FSTL4: variants seen among roughly 807,000 people sequenced by gnomAD.
FSTL4 encodes the protein follistatin like 4, also known as follistatin-related protein 4.
A neutral mutation model predicts 78.2 loss-of-function variants in FSTL4; 28 were observed. The observed-to-expected ratio is 0.36, with a 90% CI of 0.27 to 0.49. The LOEUF is 0.49. FSTL4 is among the 20% of genes least tolerant of loss of function. The pLI, the probability that FSTL4 is intolerant of heterozygous loss-of-function variation, is 0.98. For synonymous variants in FSTL4, 422 were observed against 440.5 expected, an observed-to-expected ratio of 0.96 and a Z score of 0.53; for missense variants, 922 against 1,084.9, an observed-to-expected ratio of 0.85 and a Z score of 2.11.
chr5:133,575,558 G>C (rs1278320779), intron 2 of FSTL4, among the ~76,000 whole-genome samples: 1 of 152,228 alleles, frequency 6.6e-6, no homozygotes, highest in East Asian at 1.9e-4. Context: ...AGAGGGAGAC[G>C]ATCAGATTAT....
At chr5:133,833,479 C>T in the FSTL4 span, among the ~76,000 whole-genome samples, 1 of 152,224 alleles carries the variant, frequency 6.6e-6, no homozygotes, top group East Asian at 1.9e-4. Flanking sequence ...ACATCTCCTA[C>T]ATCTATTTAG....
At chr5:133,639,117 C>T in the FSTL4 span, among the ~76,000 whole-genome samples, 1 of 152,106 alleles carries the variant, frequency 6.6e-6, no homozygotes, top group African/African-American at 2.4e-5. Flanking sequence ...TTGTAGTTCT[C>T]CTTCCCCTTG....
At chr5:133,383,871 C>T (rs1755636738) in intron 4 of FSTL4, among the ~76,000 whole-genome samples, 1 of 152,258 alleles carries the variant, frequency 6.6e-6, no homozygotes, top group Non-Finnish European at 1.5e-5. Context: ...AGCCTCTGTG[C>T]TCTGCCACTC....
intron 3 of FSTL4, among the ~76,000 whole-genome samples, chr5:133,432,584 C>T (rs1158106968): frequency 1.3e-5 from 2 of 152,182 alleles, no homozygotes; most frequent in Non-Finnish European, 2.9e-5. Flanking sequence ...TATTACTTCT[C>T]CTTTAACTTA....
rs757530628 is a variant in FSTL4, at chr5:133,603,845, G to A, written c.126+13C>T. 7.4e-6 allele frequency: 12 copies of A among 1,613,388 alleles called. No homozygotes were observed. Among genetic ancestry groups the A allele is most frequent in the South Asian group, 1.1e-5 (1 of 91,048 alleles). On this transcript the variant is annotated intron_variant, in intron 2 of 15. Coordinates refer to ENST00000265342, the MANE Select transcript of FSTL4 (RefSeq NM_015082.2). The stretch of plus-strand genomic sequence containing the variant: ...CAGTTTGAAATGTTATGTCCGCAGG[G>A]ATTTGACTATACCTCTGCCTGTGAC...
the FSTL4 span, among the ~76,000 whole-genome samples, chr5:133,722,458 T>A: frequency 6.6e-6 from 1 of 152,242 alleles, no homozygotes; most frequent in Non-Finnish European, 1.5e-5. Context: ...TTTTTAATGA[T>A]ATCTCTTTGT....
the FSTL4 span, among the ~76,000 whole-genome samples, chr5:133,761,266 A>C: frequency 1.3e-5 from 2 of 152,306 alleles, no homozygotes; most frequent in South Asian, 4.1e-4. Flanking sequence ...CGAAGACTCC[A>C]TAAAGAAGCC....
At chr5:133,417,360 T>C (rs187247224) in intron 3 of FSTL4, among the ~76,000 whole-genome samples, 2 of 150,838 alleles carry the variant, frequency 1.3e-5, no homozygotes, top group African/African-American at 4.9e-5. Flanking sequence ...AAAAAAAAAA[T>C]TAAACAGATC....
intron 4 of FSTL4, among the ~76,000 whole-genome samples, chr5:133,390,961 T>C (rs1291987911): frequency 6.6e-6 from 1 of 152,168 alleles, no homozygotes; most frequent in Non-Finnish European, 1.5e-5. Context: ...TCAATTCTTG[T>C]ACCCACTGTC....
chr5:133,535,152 T>C (rs1759326641), intron 3 of FSTL4, among the ~76,000 whole-genome samples: 1 of 152,208 alleles, frequency 6.6e-6, no homozygotes, highest in Non-Finnish European at 1.5e-5. Flanking sequence ...GACAGCTATC[T>C]ACAAGCCAGG....
the FSTL4 span, among the ~76,000 whole-genome samples, chr5:133,718,011 C>T: frequency 6.6e-6 from 1 of 152,178 alleles, no homozygotes; most frequent in Non-Finnish European, 1.5e-5. Context: ...TATCATTGTA[C>T]ATTCTCACCA....
chr5:133,827,628 C>T, the FSTL4 span, among the ~76,000 whole-genome samples: 1,855 of 152,128 alleles, frequency 0.012, 16 homozygotes, highest in Non-Finnish European at 0.018. Context: ...AGAGAGAAGA[C>T]ATCCAAGTCT....
chr5:133,595,455 C>T (rs758859569), intron 2 of FSTL4, among the ~76,000 whole-genome samples: 1 of 152,206 alleles, frequency 6.6e-6, no homozygotes, highest in South Asian at 2.1e-4. Context: ...ATCTGAACAT[C>T]CTGCTGTGTG....
chr5:133,561,669 G>A (rs1759916858), intron 3 of FSTL4, among the ~76,000 whole-genome samples: 1 of 152,128 alleles, frequency 6.6e-6, no homozygotes, highest in Non-Finnish European at 1.5e-5. Flanking sequence ...AGCTTCATAG[G>A]CCTTTCAGGC....
intron 3 of FSTL4, among the ~76,000 whole-genome samples, chr5:133,566,078 C>T (rs1412728709): frequency 2.0e-5 from 3 of 152,106 alleles, no homozygotes; most frequent in Admixed American, 1.3e-4. Flanking sequence ...CAGAGGACAT[C>T]GAGTCCGAAG....
rs1015005786 is a variant in FSTL4 at position 133,485,184 on chromosome 5, C to T, written c.160+82002G>A. 2.6e-5 allele frequency among the ~76,000 whole-genome samples: 4 copies of T among 152,182 alleles called. No individual in the cohort carries two copies. In the East Asian group the frequency reaches 5.8e-4, roughly 22 times the overall value. On this transcript the variant is annotated intron_variant, in intron 3 of 15. Coordinates refer to ENST00000265342, the MANE Select transcript of FSTL4 (RefSeq NM_015082.2). ...ACATTCTAAGAGTTTCTTTCAATGGCCACAAAGAGGACACTTCAGCAGCCG... is the reference window on the plus strand; with the variant it reads ...ACATTCTAAGAGTTTCTTTCAATGGTCACAAAGAGGACACTTCAGCAGCCG...
the FSTL4 span, among the ~76,000 whole-genome samples, chr5:133,833,504 T>C: frequency 1.3e-5 from 2 of 152,190 alleles, no homozygotes; most frequent in East Asian, 1.9e-4. Flanking sequence ...ACGGGGAAGT[T>C]TCAGAGTCAT....
chr5:133,675,896 G>A, the FSTL4 span, among the ~76,000 whole-genome samples: 1 of 152,072 alleles, frequency 6.6e-6, no homozygotes, highest in Non-Finnish European at 1.5e-5. Context: ...TTGGTCTCCG[G>A]GCCTGGCAAC....
At chr5:133,474,464 C>T (rs574374018) in intron 3 of FSTL4, among the ~76,000 whole-genome samples, 7 of 152,138 alleles carry the variant, frequency 4.6e-5, no homozygotes, top group Admixed American at 2.6e-4. Flanking sequence ...GAGAAATGCA[C>T]AGGCCAGTGG....
Sources: gnomAD v4.1 joint callset for allele counts (sites outside exome capture counted in the v4.1 genomes callset) on GRCh38, gnomAD v4.1.1 for gene constraint, MANE v1.5 for transcripts, NCBI Gene and HGNC (gene_info 2026-07-23, HGNC 2026-07-21) for gene names.